The following UBTF variants were observed in gnomAD, a reference collection of about 807,000 sequenced individuals.
The protein encoded by UBTF is upstream binding transcription factor.
UBTF carries 8 observed loss-of-function variants against 112.3 expected under a neutral mutation model. That is an observed-to-expected ratio of 0.07 (90% CI 0.04 to 0.13). UBTF has a LOEUF of 0.13. Ranked by LOEUF, UBTF falls within the 10% of genes least tolerant of loss-of-function variation. The probability of loss-of-function intolerance (pLI) is 1.00; values close to 1 mark genes in which losing one functional copy is unlikely to be tolerated. For missense variants in UBTF, 457 were observed against 982.1 expected, an observed-to-expected ratio of 0.47 and a Z score of 7.15; for synonymous variants, 417 against 373.1, an observed-to-expected ratio of 1.12 and a Z score of -1.36.
At chr17:44,213,492 G>A (rs2855819) in intron 5 of UBTF, 13,112 of 539,356 alleles carry the variant, frequency 0.024, 188 homozygotes, top group Middle Eastern at 0.035. Context: ...TGCAGGGGTC[G>A]CCCAGACACT....
In UBTF at chr17:44,216,133, A is replaced by G. The variant is rs1268602288; in HGVS notation, c.235-144T>C. The G allele has an allele frequency of 1.4e-5, 10 of 709,538 alleles. No individual in the cohort carries two copies. In the Admixed American group the frequency reaches 2.0e-4, roughly 14 times the overall value. The allele number at this position is 709,538 out of a possible 1,614,324, so 44.0% of individuals were successfully genotyped here. A position where few individuals can be genotyped will look rare whatever the true frequency, so the allele number is the denominator to read the frequency against. On this transcript the variant is annotated intron_variant, in intron 3 of 20. Transcript: ENST00000436088. ...AGAGCAGAGGCCAACAGCCAAATGA[A>G]GCAGGCAGCATGACACCCAGGCACT...
At chr17:44,221,127 C>T (rs1412359102), upstream of UBTF, 1 of 151,714 alleles carries the variant, frequency 6.6e-6, no homozygotes, top group Non-Finnish European at 1.5e-5. Context: ...AAATGGTTTT[C>T]GTCTTTTTTT....
In UBTF at chr17:44,212,001, G is replaced by T. The variant is rs934607086; in HGVS notation, c.777C>A (p.Ile259=). The change falls in exon 9 of 21, where the codon ATC becomes ATA. Residue 259 remains isoleucine (I), a synonymous_variant. Coordinates refer to ENST00000436088, the MANE Select transcript of UBTF (RefSeq NM_014233.4). ...ALEQRKEYEE[I]MRDYIQKHPE... is the part of the protein sequence containing the mutation. ...GGTGCTTCTGGATATAGTCTCTCATGATCTCCTGCAGAGCCAGGTGGGGGG... is the reference window on the plus strand; with the variant it reads ...GGTGCTTCTGGATATAGTCTCTCATTATCTCCTGCAGAGCCAGGTGGGGGG... The T allele has an allele frequency of 6.2e-7, 1 of 1,612,684 alleles. No individual in the cohort carries two copies. The highest frequency in any genetic ancestry group is 8.5e-7 in the Non-Finnish European group (1 of 1,179,514).
chr17:44,221,002 C>T (rs571828954), upstream of UBTF: 15 of 150,896 alleles, frequency 9.9e-5, no homozygotes, highest in South Asian at 2.1e-3. Flanking sequence ...GCCGCCGCCT[C>T]CCGGGCCACC....
Position 44,206,448 on chromosome 17 carries a change from A to G in UBTF, c.*794T>C, listed in dbSNP as rs2056246759. 1 of 150,620 alleles carries G rather than the reference A, an allele frequency of 6.6e-6. No homozygotes were observed. Among genetic ancestry groups the G allele is most frequent in the South Asian group, 2.1e-4 (1 of 4,708 alleles). 9.3% of individuals were successfully genotyped at this position (150,620 alleles called of 1,614,324 possible). ...CACACACACTCACACTCTTTTGCAC[A>G]CATCCACAGCTGCACCCATGCTATG... is the stretch of plus-strand genomic sequence containing the variant. On this transcript the variant is annotated 3_prime_UTR_variant, in exon 21 of 21. Transcript: ENST00000436088.
chr17:44,221,291 C>G (rs1342054769), upstream of UBTF: 1 of 152,184 alleles, frequency 6.6e-6, no homozygotes, highest in Non-Finnish European at 1.5e-5. Context: ...CTGCAGCGCC[C>G]GACCCGGGCG....
chr17:44,213,010 C>T, intron 6 of UBTF, 71 bp from the exon 7 acceptor site: 1 of 1,587,852 alleles, frequency 6.3e-7, no homozygotes, highest in Non-Finnish European at 8.6e-7. Flanking sequence ...GCTGCCCCAC[C>T]CACCAAGCCT....
At position 44,211,521 on chromosome 17, in the gene UBTF, C is replaced by T. The variant is rs183517067; in HGVS notation, c.1047+85G>A. On this transcript the variant is annotated intron_variant, in intron 10 of 20. Coordinates refer to ENST00000436088, the MANE Select transcript of UBTF (RefSeq NM_014233.4). This position sits in a 1 kb window ranked among gnomAD's most constrained non-coding sequence, Gnocchi z 4.9. ...ATTGGAGGCAGGTACCCAAGGCACA[C>T]GCCACCAGGGACTGACTGGCCCAAG... The T allele has an allele frequency of 4.2e-5, 66 of 1,561,616 alleles. No individual in the cohort carries two copies. The highest frequency in any genetic ancestry group is 3.9e-4 in the African/African-American group (29 of 74,248).
chr17:44,218,054 C>T (rs1598268976), intron 2 of UBTF, 118 bp downstream of exon 2: 2 of 1,032,012 alleles, frequency 1.9e-6, no homozygotes, highest in Admixed American at 2.1e-5. Flanking sequence ...ACTCAAGGCA[C>T]TTTCTCCCCC....
chr17:44,209,659 G>C lies in UBTF; in HGVS notation c.1701C>G (p.Pro567=), dbSNP rs369951008. The stretch of plus-strand genomic sequence containing the variant: ...CCCAGGCTCACATGGGAGGCTTCTT[G>C]GGTTCTCCCTGGAATTTCATCTTCT... ...SSKKMKFQGE[P]KKPPMNGYQK... is the part of the protein sequence containing the mutation. Residue 567 remains proline (P), a synonymous_variant, in exon 16 of 21, where the codon CCC becomes CCG. Coordinates refer to ENST00000436088, the MANE Select transcript of UBTF (RefSeq NM_014233.4). 6.2e-7 allele frequency: 1 copy of C among 1,614,150 alleles called. No homozygotes were observed. The highest frequency in any genetic ancestry group is 2.2e-5 in the East Asian group (1 of 44,882).
rs760103579 is a variant in UBTF, at chr17:44,210,420, G to A, written c.1413C>T (p.Pro471=). Residue 471 remains proline (P), a synonymous_variant, in exon 14 of 21, where the codon CCC becomes CCT. Coordinates refer to ENST00000436088, the MANE Select transcript of UBTF (RefSeq NM_014233.4). ...AALKAQSERK[P]GGEREERGKL... ...TGCCCCGTTCCTCGCGCTCCCCGCCGGGCTTCCTCTCCGACTGAGCCTTGA... is the reference window on the plus strand; with the variant it reads ...TGCCCCGTTCCTCGCGCTCCCCGCCAGGCTTCCTCTCCGACTGAGCCTTGA... 2.5e-6 allele frequency: 4 copies of A among 1,613,796 alleles called. No homozygotes were observed. Among genetic ancestry groups the A allele is most frequent in the East Asian group, 2.2e-5 (1 of 44,892 alleles).
chr17:44,215,467 C>CT (rs1230584937), intron 5 of UBTF, 187 bp downstream of exon 5: 17 of 671,944 alleles, frequency 2.5e-5, no homozygotes, highest in Non-Finnish European at 4.2e-5. Context: ...GTGATGGTGC[C>CT]TGTGCCTGAC....
In UBTF at chr17:44,209,343, C is replaced by A; in HGVS notation, c.1905+9G>T. ...CTCTGTTCCTTCCAAGGGTCCCTTG[C>A]CCTCTCACCTTAACCCAGAGGTCCA... is the stretch of plus-strand genomic sequence containing the variant. On this transcript the variant is annotated intron_variant, in intron 17 of 20. Coordinates refer to ENST00000436088, the MANE Select transcript of UBTF (RefSeq NM_014233.4). 6.3e-7 allele frequency: 1 copy of A among 1,584,192 alleles called. No homozygotes were observed. Among genetic ancestry groups the A allele is most frequent in the Admixed American group, 1.7e-5 (1 of 58,394 alleles).
chr17:44,213,294 AG>A lies in UBTF; in HGVS notation c.475-13del. ...TGAATATATTTCATCTGGGGGGAGG[AG>A]GGGATGGGGTCACTCAGGACCCAAG... On this transcript the variant is annotated splice_polypyrimidine_tract_variant and intron_variant, in intron 5 of 20. Coordinates refer to ENST00000436088, the MANE Select transcript of UBTF (RefSeq NM_014233.4). The A allele has an allele frequency of 1.2e-6, 2 of 1,611,976 alleles. No homozygotes were observed. The highest frequency in any genetic ancestry group is 3.3e-4 in the Middle Eastern group (2 of 6,054).
intron 17 of UBTF, 159 bp downstream of exon 17, chr17:44,209,193 A>G (rs934460547): frequency 1.3e-5 from 9 of 700,304 alleles, no homozygotes; most frequent in Non-Finnish European, 1.5e-5. Context: ...AATAAAAATA[A>G]AAGGGTGATA....
chr17:44,209,345 C>T lies in UBTF; in HGVS notation c.1905+7G>A. ...CTGTTCCTTCCAAGGGTCCCTTGCC[C>T]TCTCACCTTAACCCAGAGGTCCAGG... On this transcript the variant is annotated splice_region_variant and intron_variant, in intron 17 of 20. Coordinates refer to ENST00000436088, the MANE Select transcript of UBTF (RefSeq NM_014233.4). The T allele has an allele frequency of 1.3e-6, 2 of 1,587,462 alleles. No homozygotes were observed. Among genetic ancestry groups the T allele is most frequent in the South Asian group, 1.1e-5 (1 of 87,242 alleles).
upstream of UBTF, chr17:44,221,052 A>T (rs930999795): frequency 2.7e-5 from 4 of 150,686 alleles, no homozygotes; most frequent in African/African-American, 9.7e-5. Context: ...CGGGCGGCTC[A>T]GCCTCACCCC....
In UBTF at chr17:44,211,563, T is replaced by C. The variant is rs751058945; in HGVS notation, c.1047+43A>G. On this transcript the variant is annotated intron_variant, in intron 10 of 20. Transcript: ENST00000436088. This position sits in a 1 kb window ranked among gnomAD's most constrained non-coding sequence, Gnocchi z 4.9. ...TGGCCCAAGATGGGATCAGACCTCA[T>C]GCTTCAAAACCCCAAGGCAGGGTGG... 1.8e-5 allele frequency: 29 copies of C among 1,592,594 alleles called. No individual in the cohort carries two copies. The East Asian group carries it at 6.5e-4, about 36-fold the overall frequency.
upstream of UBTF, chr17:44,221,084 G>C (rs1457031055): frequency 7.0e-6 from 1 of 143,250 alleles, no homozygotes; most frequent in African/African-American, 2.8e-5. Flanking sequence ...TGCTCTAGGG[G>C]TTGCACAAAA....
Sources: gnomAD v4.1 joint callset for allele counts on GRCh38, gnomAD v4.1.1 for gene constraint, Gnocchi (gnomAD v3.1) non-coding constraint, MANE v1.5 for transcripts, NCBI Gene and HGNC (gene_info 2026-07-23, HGNC 2026-07-21) for gene names.